Variants in SRGAP1 observed in about 807,000 individuals in gnomAD.
The protein encoded by SRGAP1 is SLIT-ROBO Rho GTPase activating protein 1, also known as SLIT-ROBO Rho GTPase-activating protein 1.
SRGAP1 carries 43 observed loss-of-function variants against 121.9 expected under a neutral mutation model. The ratio of observed to expected loss-of-function variants is 0.35; its 90% CI spans 0.28 to 0.46. The LOEUF is 0.46. Among genes scored for constraint, SRGAP1 ranks in the 20% least tolerant of loss-of-function variants. The probability of loss-of-function intolerance (pLI) is 1.00; values close to 1 mark genes in which losing one functional copy is unlikely to be tolerated. For missense variants in SRGAP1, 1,102 were observed against 1,350.9 expected, an observed-to-expected ratio of 0.82 and a Z score of 2.89; for synonymous variants, 447 against 485.4, an observed-to-expected ratio of 0.92 and a Z score of 1.04.
At chr12:64,062,015 AAT>A (rs1467905138) in intron 6 of SRGAP1, among the ~76,000 whole-genome samples, 12 of 98,126 alleles carry the variant, frequency 1.2e-4, no homozygotes, top group African/African-American at 1.9e-4. Flanking sequence ...TTTAGGTGGA[AAT>A]ATGTTTTCAT....
chr12:64,097,175 G>A (rs2036170850), intron 14 of SRGAP1, 66 bp from the exon 15 acceptor site: 1 of 1,491,358 alleles, frequency 6.7e-7, no homozygotes, highest in Non-Finnish European at 9.0e-7. Flanking sequence ...TATGTTCATA[G>A]AAATATATTT....
intron 1 of SRGAP1, among the ~76,000 whole-genome samples, chr12:63,923,005 C>A (rs1168703090): frequency 6.6e-6 from 1 of 152,146 alleles, no homozygotes; most frequent in African/African-American, 2.4e-5. Context: ...ATCTGCATTG[C>A]GTTTGCAGCT....
intron 1 of SRGAP1, among the ~76,000 whole-genome samples, chr12:63,846,952 A>C (rs1442052718): frequency 2.0e-5 from 3 of 152,222 alleles, no homozygotes; most frequent in Non-Finnish European, 4.4e-5. Flanking sequence ...ATGCAGGGAG[A>C]GTAGGCCCCT....
At chr12:63,924,034 G>A (rs528332392) in intron 1 of SRGAP1, among the ~76,000 whole-genome samples, 1 of 152,130 alleles carries the variant, frequency 6.6e-6, no homozygotes, top group Non-Finnish European at 1.5e-5. Context: ...CCAGCTACTT[G>A]AGAGGCCAAG....
Position 63,990,042 on chromosome 12 carries a change from A to G in SRGAP1, c.396A>G (p.Ile132Met). Reference protein sequence around the residue: ...LNNVIMRFMQISEDSTRMFKK... With the variant: ...LNNVIMRFMQMSEDSTRMFKK... Reference sequence around the variant, plus strand: ...ATGTGATTATGCGGTTCATGCAGATAAGTGAGGATTCTACCAGGATGTTTA... The same window carrying G: ...ATGTGATTATGCGGTTCATGCAGATGAGTGAGGATTCTACCAGGATGTTTA... The change falls in exon 3 of 22, where the codon ATA (isoleucine) becomes ATG (methionine). Residue 132 changes from isoleucine (I) to methionine (M), a missense_variant. By Grantham distance (10) the Ile-to-Met change is conservative. This residue lies in a region of SRGAP1 where 747 missense variants were observed against 929.4 expected (regional missense o/e 0.80). Transcript: ENST00000355086. The G allele has an allele frequency of 6.2e-7, 1 of 1,611,892 alleles. No individual in the cohort carries two copies. The highest frequency in any genetic ancestry group is 8.5e-7 in the Non-Finnish European group (1 of 1,179,302).
intron 4 of SRGAP1, among the ~76,000 whole-genome samples, chr12:64,041,281 A>G (rs534672355): frequency 1.3e-5 from 2 of 152,218 alleles, no homozygotes; most frequent in Admixed American, 1.3e-4. Context: ...CTAAGTGGCA[A>G]AGGACATTGT....
chr12:64,013,868 G>A (rs577633888), intron 3 of SRGAP1, among the ~76,000 whole-genome samples: 13 of 152,262 alleles, frequency 8.5e-5, no homozygotes, highest in Non-Finnish European at 1.2e-4. Context: ...GTCACCTGAA[G>A]GAATCTAAAG....
chr12:64,000,296 T>A (rs1249099568), intron 3 of SRGAP1, among the ~76,000 whole-genome samples: 2 of 143,974 alleles, frequency 1.4e-5, no homozygotes, highest in Non-Finnish European at 3.0e-5. Context: ...AACCAGGATG[T>A]TAGGACAAAC....
chr12:63,934,774 T>C (rs534090252), intron 1 of SRGAP1, among the ~76,000 whole-genome samples: 1 of 152,296 alleles, frequency 6.6e-6, no homozygotes, highest in African/African-American at 2.4e-5. Context: ...GCTCAGCCCC[T>C]GCCTGGCCCT....
intron 1 of SRGAP1, among the ~76,000 whole-genome samples, chr12:63,929,019 C>T (rs564965510): frequency 1.2e-4 from 19 of 152,018 alleles, no homozygotes; most frequent in African/African-American, 1.7e-4. Context: ...TTCTGCTCTG[C>T]GGCCTGGTTC....
intron 4 of SRGAP1, chr12:64,039,044 A>C (rs1404138478): frequency 6.6e-6 from 1 of 152,220 alleles, no homozygotes; most frequent in Non-Finnish European, 1.5e-5. Flanking sequence ...AATACATTTG[A>C]CTTCTGTCAA....
chr12:64,119,633 T>C (rs2036573336), intron 18 of SRGAP1, among the ~76,000 whole-genome samples: 1 of 152,108 alleles, frequency 6.6e-6, no homozygotes, highest in African/African-American at 2.4e-5. Context: ...TACTTTTTAA[T>C]ATAAACATTT....
chr12:64,146,077 TAGAG>T lies in SRGAP1; in HGVS notation c.*3409_*3412del, dbSNP rs943788753. 6.6e-6 allele frequency: 1 copy of T among 152,182 alleles called. No homozygotes were observed. The highest frequency in any genetic ancestry group is 2.4e-5 in the African/African-American group (1 of 41,436). 9.4% of individuals were successfully genotyped at this position (152,182 alleles called of 1,614,324 possible). On this transcript the variant is annotated 3_prime_UTR_variant, in exon 22 of 22. Transcript: ENST00000355086. ...GGGGTTTGGGGAGTGGATTTGGGGA[TAGAG>T]AGAAAGGTGTACTTAGTACACATTT... is the stretch of plus-strand genomic sequence containing the variant.
intron 1 of SRGAP1, among the ~76,000 whole-genome samples, chr12:63,923,536 A>C (rs1187722959): frequency 6.6e-6 from 1 of 152,208 alleles, no homozygotes; most frequent in Non-Finnish European, 1.5e-5. Flanking sequence ...AATTAAGATG[A>C]TATTTAATAG....
chr12:64,123,162 A>G (rs568917782), intron 18 of SRGAP1, among the ~76,000 whole-genome samples: 3 of 152,350 alleles, frequency 2.0e-5, no homozygotes, highest in African/African-American at 7.2e-5. Context: ...GGGTGTGTTC[A>G]CACAGGAATT....
chr12:63,968,521 C>A (rs539647820), intron 1 of SRGAP1, among the ~76,000 whole-genome samples: 1 of 152,284 alleles, frequency 6.6e-6, no homozygotes, highest in South Asian at 2.1e-4. Context: ...TTACTTTACA[C>A]CCTGCCTGCA....
At chr12:64,022,656 G>A (rs2034575152) in intron 4 of SRGAP1, among the ~76,000 whole-genome samples, 1 of 152,180 alleles carries the variant, frequency 6.6e-6, no homozygotes, top group Non-Finnish European at 1.5e-5. Flanking sequence ...AAGGGTCAAT[G>A]CTTAAATCAC....
rs539555078 is a variant in SRGAP1, at chr12:63,984,304, G to T, written c.263+162G>T. ...CTACATTTGTAACTTATGGGCATCA[G>T]TTTATCATTTTAAACTAGTGTAATC... On this transcript the variant is annotated intron_variant, in intron 2 of 21. Coordinates refer to ENST00000355086, the MANE Select transcript of SRGAP1 (RefSeq NM_020762.4). 2.0e-5 allele frequency among the ~76,000 whole-genome samples: 3 copies of T among 152,178 alleles called. No homozygotes were observed. In the South Asian group the frequency reaches 6.2e-4, roughly 32 times the overall value.
At chr12:64,080,053 G>A (rs906298147) in intron 9 of SRGAP1, among the ~76,000 whole-genome samples, 3 of 152,102 alleles carry the variant, frequency 2.0e-5, no homozygotes, top group African/African-American at 7.2e-5. Context: ...GACAAGCCTG[G>A]CCAATACGGA....
Sources: allele counts gnomAD v4.1 joint callset (sites outside exome capture counted in the v4.1 genomes callset), GRCh38; gene constraint gnomAD v4.1.1; regional missense constraint gnomAD v4.1.1; transcripts MANE v1.5; gene names NCBI Gene and HGNC (gene_info 2026-07-23, HGNC 2026-07-21).